Variants in STXBP5L observed in about 807,000 individuals in gnomAD.
STXBP5L encodes the protein syntaxin-binding protein 5-like.
A neutral mutation model predicts 144.5 loss-of-function variants in STXBP5L; 65 were observed. The ratio of observed to expected loss-of-function variants is 0.45; its 90% CI spans 0.37 to 0.55. The LOEUF (loss-of-function observed/expected upper bound fraction) is 0.55, where lower values mean the gene tolerates loss of function less well. STXBP5L is among the 20% of genes least tolerant of loss of function. The pLI, the probability that STXBP5L is intolerant of heterozygous loss-of-function variation, is 0.00. For missense variants in STXBP5L, 1,298 were observed against 1,405.5 expected (o/e 0.92, Z 1.22); for synonymous variants, 505 against 469.6 (o/e 1.08, Z -0.97).
intron 5 of STXBP5L, among the ~76,000 whole-genome samples, chr3:121,071,410 C>A (rs147766059): frequency 1.8e-4 from 27 of 152,176 alleles, no homozygotes; most frequent in South Asian, 8.3e-4. Context: ...TGTGCATGGA[C>A]CGACCAGCCT....
intron 7 of STXBP5L, among the ~76,000 whole-genome samples, chr3:121,122,373 A>G (rs1014236414): frequency 6.6e-6 from 1 of 151,272 alleles, no homozygotes; most frequent in Admixed American, 6.6e-5. Flanking sequence ...ATTGATCCAC[A>G]AGTACAATGT....
At chr3:121,369,324 A>G (rs2045958418) in intron 20 of STXBP5L, among the ~76,000 whole-genome samples, 1 of 143,494 alleles carries the variant, frequency 7.0e-6, no homozygotes, top group Admixed American at 6.9e-5. Context: ...ATTCCATCTC[A>G]GAATCCTCCT....
At chr3:121,310,562 C>G (rs938789658) in intron 19 of STXBP5L, among the ~76,000 whole-genome samples, 1 of 151,468 alleles carries the variant, frequency 6.6e-6, no homozygotes, top group African/African-American at 2.4e-5. Context: ...TTGTAGTGAG[C>G]CGAAATCGTG....
At chr3:121,039,842 A>T (rs927607559) in intron 3 of STXBP5L, among the ~76,000 whole-genome samples, 7 of 151,418 alleles carry the variant, frequency 4.6e-5, no homozygotes, top group Non-Finnish European at 1.0e-4. Flanking sequence ...CCCCTCAGTG[A>T]TTTTTTTCTC....
intron 20 of STXBP5L, among the ~76,000 whole-genome samples, chr3:121,367,560 C>T (rs1198165270): frequency 7.6e-6 from 1 of 131,708 alleles, no homozygotes; most frequent in African/African-American, 2.8e-5. Context: ...TTCTCTATTG[C>T]TGCTTTCAAG....
In STXBP5L at chr3:121,040,207, C is replaced by T. The variant is rs1023226084; in HGVS notation, c.288-1493C>T. 4.6e-5 allele frequency among the ~76,000 whole-genome samples: 7 copies of T among 152,060 alleles called. No homozygotes were observed. The East Asian group carries it at 1.2e-3, about 25-fold the overall frequency. ...TACGTTTTTGAGTGCTAAAGGTTTT[C>T]GTATTTCTATAATTATCCTTGATCT... On this transcript the variant is annotated intron_variant, in intron 3 of 26. Transcript: ENST00000471454.
intron 9 of STXBP5L, among the ~76,000 whole-genome samples, chr3:121,199,542 G>A (rs951881215): frequency 4.6e-5 from 7 of 152,162 alleles, no homozygotes; most frequent in Non-Finnish European, 8.8e-5. Flanking sequence ...GTGAGAGACC[G>A]CATCCTTGTC....
intron 19 of STXBP5L, among the ~76,000 whole-genome samples, chr3:121,291,555 T>A (rs772575888): frequency 6.6e-6 from 1 of 151,728 alleles, no homozygotes; most frequent in Non-Finnish European, 1.5e-5. Flanking sequence ...GAAAAAACAA[T>A]CCTAAAATTC....
At chr3:121,208,204 A>C (rs1013806405) in intron 10 of STXBP5L, among the ~76,000 whole-genome samples, 1 of 152,088 alleles carries the variant, frequency 6.6e-6, no homozygotes, top group Non-Finnish European at 1.5e-5. Context: ...GAAGCTGGAA[A>C]CCATCATTCT....
chr3:121,079,409 G>T (rs750271910), intron 5 of STXBP5L, among the ~76,000 whole-genome samples: 10 of 152,236 alleles, frequency 6.6e-5, no homozygotes, highest in Non-Finnish European at 1.3e-4. Context: ...GGAATGTGGA[G>T]TTGTGGAGTA....
At chr3:121,015,690 A>C (rs553832905) in intron 3 of STXBP5L, among the ~76,000 whole-genome samples, 1 of 152,266 alleles carries the variant, frequency 6.6e-6, no homozygotes, top group African/African-American at 2.4e-5. Flanking sequence ...CCGAATAAGC[A>C]TTGTAAAATA....
chr3:121,034,995 G>T (rs1946655850), intron 3 of STXBP5L, among the ~76,000 whole-genome samples: 1 of 151,980 alleles, frequency 6.6e-6, no homozygotes. Flanking sequence ...TTATATACTT[G>T]TTGGCAATTT....
Position 121,068,465 on chromosome 3 carries a change from C to T in STXBP5L, c.470+22930C>T, listed in dbSNP as rs534194734. 1.0e-3 allele frequency among the ~76,000 whole-genome samples: 156 copies of T among 152,020 alleles called. 1 individual carries two copies. Among genetic ancestry groups the T allele is most frequent in the African/African-American group, 3.4e-3 (143 of 41,490 alleles). On this transcript the variant is annotated intron_variant, in intron 5 of 26. Transcript: ENST00000471454. ...TATTATCCTATTTTTCTCTATATGA[C>T]ATTAATATGTATTTTTTCACGCTTT...
chr3:121,418,353 A>C lies in STXBP5L; in HGVS notation c.3243A>C (p.Ala1081=). 6.2e-7 allele frequency: 1 copy of C among 1,613,294 alleles called. No homozygotes were observed. The highest frequency in any genetic ancestry group is 8.5e-7 in the Non-Finnish European group (1 of 1,179,534). The part of the protein sequence containing the change: ...DREELFGEAS[A]GKASRSLAQH... ...TATTCTCAGTTGGGGAAGCTTCGGC[A>C]GGAAAAGCATCCCGCAGCCTTGCGC... is the stretch of plus-strand genomic sequence containing the variant. Residue 1081 remains alanine (A), a synonymous_variant, in exon 26 of 27, where the codon GCA becomes GCC. Coordinates refer to ENST00000471454, the MANE Select transcript of STXBP5L (RefSeq NM_001308330.2).
intron 7 of STXBP5L, among the ~76,000 whole-genome samples, chr3:121,147,333 G>A (rs1321559340): frequency 6.6e-6 from 1 of 152,064 alleles, no homozygotes; most frequent in Non-Finnish European, 1.5e-5. Flanking sequence ...TAATTGTTTA[G>A]TCATTAAGTA....
intron 20 of STXBP5L, among the ~76,000 whole-genome samples, chr3:121,356,591 T>C (rs1348890983): frequency 6.6e-6 from 1 of 152,194 alleles, no homozygotes; most frequent in Non-Finnish European, 1.5e-5. Context: ...CCAGGTACAG[T>C]CTGTCACAGC....
In STXBP5L at chr3:121,000,789, C is replaced by A. The variant is rs936817315; in HGVS notation, c.288-40911C>A. ...TGCTGTCCTTTGGATGGGGCTTTTT[C>A]TTTTTATATTCTTTGCTACCTTTGA... On this transcript the variant is annotated intron_variant, in intron 3 of 26. Coordinates refer to ENST00000471454, the MANE Select transcript of STXBP5L (RefSeq NM_001308330.2). 2.2e-4 allele frequency among the ~76,000 whole-genome samples: 33 copies of A among 152,102 alleles called. 1 individual carries two copies. The highest frequency in any genetic ancestry group is 4.7e-4 in the Non-Finnish European group (32 of 68,028).
intron 9 of STXBP5L, among the ~76,000 whole-genome samples, chr3:121,185,360 G>A (rs2047333779): frequency 6.6e-6 from 1 of 152,306 alleles, no homozygotes; most frequent in Admixed American, 6.5e-5. Context: ...TTTTAGACAT[G>A]AAGTCCTTGC....
chr3:121,153,910 G>T (rs2046024748), intron 8 of STXBP5L, among the ~76,000 whole-genome samples: 2 of 151,824 alleles, frequency 1.3e-5, no homozygotes, highest in Non-Finnish European at 2.9e-5. Context: ...ATAAAGATGG[G>T]GATGGATAGT....
Sources: gnomAD v4.1 joint callset for allele counts (sites outside exome capture counted in the v4.1 genomes callset) on GRCh38, gnomAD v4.1.1 for gene constraint, MANE v1.5 for transcripts, NCBI Gene and HGNC (gene_info 2026-07-23, HGNC 2026-07-21) for gene names.